The following EMCN variants were observed in gnomAD, a reference collection of about 807,000 sequenced individuals.
EMCN encodes the protein MUC-14.
A neutral mutation model predicts 38.4 loss-of-function variants in EMCN; 37 were observed. The ratio of observed to expected loss-of-function variants is 0.96; its 90% CI spans 0.74 to 1.27. EMCN has a LOEUF of 1.27. EMCN is among the 50% of genes most tolerant of loss of function. EMCN has a pLI of 0.00. For missense variants in EMCN, 318 were observed against 302.8 expected (o/e 1.05, Z -0.37); for synonymous variants, 95 against 100.8 (o/e 0.94, Z 0.35).
intron 2 of EMCN, among the ~76,000 whole-genome samples, chr4:100,479,182 C>T (rs1728740576): frequency 6.6e-6 from 1 of 152,088 alleles, no homozygotes; most frequent in Non-Finnish European, 1.5e-5. Context: ...TTTCAGTTAT[C>T]CATTCATCAA....
chr4:100,456,251 G>A (rs1728014785), intron 4 of EMCN, among the ~76,000 whole-genome samples: 1 of 151,956 alleles, frequency 6.6e-6, no homozygotes, highest in African/African-American at 2.4e-5. Flanking sequence ...CTATTGTTAT[G>A]CATTCATGTT....
chr4:100,490,222 A>C (rs1252443569), intron 1 of EMCN, among the ~76,000 whole-genome samples: 2 of 151,898 alleles, frequency 1.3e-5, no homozygotes, highest in Admixed American at 6.6e-5. Flanking sequence ...ATAGATTAAG[A>C]ATATTAAAAA....
intron 1 of EMCN, among the ~76,000 whole-genome samples, chr4:100,487,347 G>A (rs1269815490): frequency 6.6e-6 from 1 of 152,164 alleles, no homozygotes; most frequent in East Asian, 1.9e-4. Flanking sequence ...CAAGTCTCTT[G>A]GATCCATCTC....
chr4:100,414,698 T>C (rs1433061277), intron 10 of EMCN, among the ~76,000 whole-genome samples: 3 of 152,166 alleles, frequency 2.0e-5, no homozygotes, highest in African/African-American at 7.2e-5. Context: ...TGTTCTAGTT[T>C]GAATTTATAC....
At chr4:100,461,847 T>C (rs560615882) in intron 4 of EMCN, among the ~76,000 whole-genome samples, 10 of 152,276 alleles carry the variant, frequency 6.6e-5, no homozygotes, top group African/African-American at 2.4e-4. Context: ...TGCCCAGATG[T>C]TTAAGAGGGA....
At position 100,437,499 on chromosome 4, in the gene EMCN, T is replaced by C. The variant is rs1217545045; in HGVS notation, c.415+10034A>G. Among the ~76,000 whole-genome samples the C allele has an allele frequency of 2.0e-5, 3 of 152,064 alleles. No individual in the cohort carries two copies. In the East Asian group the frequency reaches 5.8e-4, roughly 29 times the overall value. ...TTTCTGAGGCCAATGCCCAGCAGAT[T>C]TTCCCCTATGTTGTCTTCTAGGAGT... On this transcript the variant is annotated intron_variant, in intron 5 of 11. Transcript: ENST00000296420.
chr4:100,449,275 A>G (rs765885791), intron 4 of EMCN, among the ~76,000 whole-genome samples: 9 of 152,162 alleles, frequency 5.9e-5, no homozygotes, highest in Non-Finnish European at 1.0e-4. Flanking sequence ...TCAGTTTCAT[A>G]TCTTATTAGT....
rs77293168 is a variant in EMCN at position 100,502,861 on chromosome 4, T to G, written c.64+14990A>C. 1.2e-3 allele frequency among the ~76,000 whole-genome samples: 188 copies of G among 152,280 alleles called. 2 individuals carry two copies. In the East Asian group the frequency reaches 0.034, roughly 28 times the overall value. On this transcript the variant is annotated intron_variant, in intron 1 of 11. Coordinates refer to ENST00000296420, the MANE Select transcript of EMCN (RefSeq NM_016242.4). The stretch of plus-strand genomic sequence containing the variant: ...CATATATTTTCTCTTTATTTTTCCA[T>G]GTAATGAATTATGTCAATTGATTTT...
chr4:100,478,047 A>G (rs1239368264), intron 2 of EMCN, among the ~76,000 whole-genome samples: 2 of 152,174 alleles, frequency 1.3e-5, no homozygotes, highest in Non-Finnish European at 2.9e-5. Context: ...CCCTTAATAC[A>G]CAGTGGTGAT....
chr4:100,479,365 G>C (rs1560633291), intron 2 of EMCN, among the ~76,000 whole-genome samples: 2 of 151,412 alleles, frequency 1.3e-5, no homozygotes, highest in Admixed American at 6.6e-5. Context: ...ATAATCTCTT[G>C]TTTTTTTTAA....
At chr4:100,454,141 TG>T (rs1281483431) in intron 4 of EMCN, among the ~76,000 whole-genome samples, 1 of 150,896 alleles carries the variant, frequency 6.6e-6, no homozygotes, top group African/African-American at 2.4e-5. Flanking sequence ...ACCTGCAAGT[TG>T]TGCACATGTA....
At chr4:100,398,549 A>C (rs953160078) in intron 11 of EMCN, among the ~76,000 whole-genome samples, 176 bp from the exon 12 acceptor site, 1 of 152,176 alleles carries the variant, frequency 6.6e-6, no homozygotes, top group Admixed American at 6.5e-5. Flanking sequence ...CAAACTTGAC[A>C]TATCTGAAAA....
chr4:100,415,892 A>T lies in EMCN; in HGVS notation c.751+6T>A. 6.3e-7 allele frequency: 1 copy of T among 1,575,438 alleles called. No individual in the cohort carries two copies. The highest frequency in any genetic ancestry group is 1.2e-5 in the South Asian group (1 of 84,482). ...TTTCATCTAATCAACTTGTCTGGAA[A>T]CTTACCAGACTCATGAGAAATTGTC... On this transcript the variant is annotated splice_donor_region_variant and intron_variant, in intron 10 of 11. Transcript: ENST00000296420.
intron 3 of EMCN, 39 bp downstream of exon 3, chr4:100,474,999 A>T: frequency 8.9e-7 from 1 of 1,117,840 alleles, no homozygotes; most frequent in Non-Finnish European, 1.3e-6. Flanking sequence ...TGTGAATTAT[A>T]TATTTTTTAA....
At chr4:100,454,607 CTAAG>C (rs2110251165) in intron 4 of EMCN, among the ~76,000 whole-genome samples, 1 of 152,254 alleles carries the variant, frequency 6.6e-6, no homozygotes, top group Non-Finnish European at 1.5e-5. Flanking sequence ...GATTTCTACT[CTAAG>C]TAATCTAAAC....
Position 100,447,587 on chromosome 4 carries a change from AAG to A in EMCN, c.377-18_377-17del. 1 of 1,553,140 alleles carries A rather than the reference AAG, an allele frequency of 6.4e-7. No homozygotes were observed. The highest frequency in any genetic ancestry group is 8.9e-7 in the Non-Finnish European group (1 of 1,128,288). Reference sequence around the variant, plus strand: ...TGAGTTTCAGCTTTAGAAGGAAAAAAAGAAAAAAAATCAGTACAATTAAATGT... The same window carrying A: ...TGAGTTTCAGCTTTAGAAGGAAAAAAAAAAAAAATCAGTACAATTAAATGT... On this transcript the variant is annotated splice_polypyrimidine_tract_variant and intron_variant, in intron 4 of 11. Coordinates refer to ENST00000296420, the MANE Select transcript of EMCN (RefSeq NM_016242.4).
intron 4 of EMCN, among the ~76,000 whole-genome samples, chr4:100,447,849 G>A (rs1473217561): frequency 6.6e-6 from 1 of 152,054 alleles, no homozygotes; most frequent in Non-Finnish European, 1.5e-5. Flanking sequence ...GCCTTACACA[G>A]AGAAAGCAGC....
intron 11 of EMCN, among the ~76,000 whole-genome samples, chr4:100,399,588 G>A (rs550439028): frequency 2.6e-5 from 4 of 152,238 alleles, no homozygotes; most frequent in East Asian, 3.9e-4. Context: ...AGCATCTGTG[G>A]CTGCTAGGCA....
At chr4:100,495,418 A>G (rs1017816506) in intron 1 of EMCN, among the ~76,000 whole-genome samples, 3 of 152,102 alleles carry the variant, frequency 2.0e-5, no homozygotes, top group Non-Finnish European at 2.9e-5. Flanking sequence ...TGGAATAAGT[A>G]CTTCAATGCA....
Sources: allele counts gnomAD v4.1 joint callset (sites outside exome capture counted in the v4.1 genomes callset), GRCh38; gene constraint gnomAD v4.1.1; transcripts MANE v1.5; gene names NCBI Gene and HGNC (gene_info 2026-07-23, HGNC 2026-07-21).